FGF10: variants seen among roughly 807,000 people sequenced by gnomAD.
FGF10 encodes fibroblast growth factor 10.
Under a neutral mutation model 19.8 loss-of-function variants are expected in FGF10, and 2 were observed. The observed-to-expected ratio is 0.10, with a 90% CI of 0.04 to 0.32. The LOEUF (loss-of-function observed/expected upper bound fraction) is 0.32. FGF10 is among the 10% of genes least tolerant of loss of function. The pLI, the probability that FGF10 is intolerant of heterozygous loss-of-function variation, is 1.00. For synonymous variants in FGF10, 112 were observed against 94.0 expected, an observed-to-expected ratio of 1.19 and a Z score of -1.10; for missense variants, 191 against 246.3, an observed-to-expected ratio of 0.78 and a Z score of 1.50.
chr5:44,319,839 G>C (rs1740441243), intron 1 of FGF10, among the ~76,000 whole-genome samples: 1 of 152,048 alleles, frequency 6.6e-6, no homozygotes, highest in Non-Finnish European at 1.5e-5. Context: ...TGTAACTCAG[G>C]GGCCTCCAAC....
chr5:44,304,730 C>G lies in FGF10; in HGVS notation c.*265G>C, dbSNP rs1002134196. On this transcript the variant is annotated 3_prime_UTR_variant, in exon 3 of 3. Transcript: ENST00000264664. ...AAACTTGACAACAACAACAAAAAACCCAGCCACAATGTTTTTCACTTGGGA... is the reference window on the plus strand; with the variant it reads ...AAACTTGACAACAACAACAAAAAACGCAGCCACAATGTTTTTCACTTGGGA... 2.4e-6 allele frequency: 1 copy of G among 418,002 alleles called. No homozygotes were observed. Among genetic ancestry groups the G allele is most frequent in the Non-Finnish European group, 4.4e-6 (1 of 228,758 alleles). 25.9% of individuals were successfully genotyped at this position (418,002 alleles called of 1,614,324 possible).
chr5:44,337,087 A>C (rs936788383), intron 1 of FGF10, among the ~76,000 whole-genome samples: 12 of 152,168 alleles, frequency 7.9e-5, no homozygotes, highest in African/African-American at 2.4e-4. Context: ...TTTTAATCCC[A>C]AAAATAGGCT....
chr5:44,355,664 G>A (rs17227718), intron 1 of FGF10, among the ~76,000 whole-genome samples: 50 of 151,198 alleles, frequency 3.3e-4, no homozygotes, highest in Admixed American at 6.6e-4. Context: ...ATATTTTTCC[G>A]CAATACTTAA....
At chr5:44,366,613 C>T (rs1382399645) in intron 1 of FGF10, among the ~76,000 whole-genome samples, 1 of 151,962 alleles carries the variant, frequency 6.6e-6, no homozygotes, top group African/African-American at 2.4e-5. Flanking sequence ...GATTCTGACA[C>T]TTTTAGTGGC....
rs200535647 is a variant in FGF10, at chr5:44,388,557, C to T, written c.126G>A (p.Gln42=). 4.1e-5 allele frequency: 66 copies of T among 1,614,118 alleles called. No homozygotes were observed. Among genetic ancestry groups the T allele is most frequent in the Non-Finnish European group, 5.6e-5 (66 of 1,180,042 alleles). ...TGGTGGCCTCTGGTGACACCATGTC[C>T]TGACCAAGGGCTTGGCAGGTGACAG... ...SVPVTCQALG[Q]DMVSPEATNS... is the part of the protein sequence containing the mutation. The change falls in exon 1 of 3, where the codon CAG becomes CAA. Residue 42 remains glutamine, a synonymous_variant. Coordinates refer to ENST00000264664, the MANE Select transcript of FGF10 (RefSeq NM_004465.2).
intron 1 of FGF10, among the ~76,000 whole-genome samples, chr5:44,349,692 A>C (rs1470715369): frequency 6.7e-6 from 1 of 150,354 alleles, no homozygotes; most frequent in African/African-American, 2.4e-5. Flanking sequence ...GAAAACTAAA[A>C]AAACTCTTTG....
At chr5:44,318,655 G>GAA (rs768312682) in intron 1 of FGF10, among the ~76,000 whole-genome samples, 8 of 152,032 alleles carry the variant, frequency 5.3e-5, no homozygotes, top group African/African-American at 9.7e-5. Flanking sequence ...TCACTTCTGG[G>GAA]AAAATATATC....
intron 1 of FGF10, among the ~76,000 whole-genome samples, chr5:44,351,429 C>T (rs931074418): frequency 8.6e-5 from 13 of 151,500 alleles, no homozygotes; most frequent in Admixed American, 8.6e-4. Context: ...TGATTTATCC[C>T]ATTTGATAGA....
intron 1 of FGF10, among the ~76,000 whole-genome samples, chr5:44,329,896 G>T (rs1740692024): frequency 6.6e-6 from 1 of 152,136 alleles, no homozygotes; most frequent in African/African-American, 2.4e-5. Context: ...AGGCAGCCTG[G>T]CTTCCCATGG....
At chr5:44,356,269 G>C (rs1023354373) in intron 1 of FGF10, among the ~76,000 whole-genome samples, 3 of 151,342 alleles carry the variant, frequency 2.0e-5, no homozygotes, top group African/African-American at 4.8e-5. Flanking sequence ...AGTTGGGTAT[G>C]TTTCAGTTTA....
At chr5:44,339,792 C>T (rs543955408) in intron 1 of FGF10, among the ~76,000 whole-genome samples, 1 of 152,202 alleles carries the variant, frequency 6.6e-6, no homozygotes, top group South Asian at 2.1e-4. Flanking sequence ...TCCTTATTAT[C>T]TCAGACAAAG....
At chr5:44,332,582 A>G (rs1048095121) in intron 1 of FGF10, among the ~76,000 whole-genome samples, 3 of 152,128 alleles carry the variant, frequency 2.0e-5, no homozygotes, top group Admixed American at 2.0e-4. Context: ...GGATAAAACC[A>G]TATCTTCCCT....
chr5:44,321,857 G>A (rs1290682799), intron 1 of FGF10, among the ~76,000 whole-genome samples: 3 of 152,120 alleles, frequency 2.0e-5, no homozygotes, highest in Non-Finnish European at 1.5e-5. Context: ...TGCCTCCTGG[G>A]TTCCAGTGAT....
chr5:44,319,299 A>G (rs1305764306), intron 1 of FGF10, among the ~76,000 whole-genome samples: 1 of 152,210 alleles, frequency 6.6e-6, no homozygotes, highest in Admixed American at 6.5e-5. Flanking sequence ...GTTAATATAG[A>G]CATTTACCCT....
At chr5:44,327,146 A>G (rs1740633397) in intron 1 of FGF10, among the ~76,000 whole-genome samples, 1 of 152,164 alleles carries the variant, frequency 6.6e-6, no homozygotes, top group African/African-American at 2.4e-5. Context: ...TATTTAACAT[A>G]TGCATATTCA....
intron 2 of FGF10, among the ~76,000 whole-genome samples, chr5:44,309,947 G>C (rs144991225): frequency 3.7e-4 from 57 of 152,134 alleles, no homozygotes; most frequent in Admixed American, 1.4e-3. Context: ...TAAAATTCTA[G>C]AGTTGATTGA....
chr5:44,354,268 T>A (rs1427052302), intron 1 of FGF10, among the ~76,000 whole-genome samples: 1 of 151,510 alleles, frequency 6.6e-6, no homozygotes. Flanking sequence ...ACTAAAATGC[T>A]TTTGTCTAGC....
At chr5:44,351,170 A>G (rs1741224181) in intron 1 of FGF10, among the ~76,000 whole-genome samples, 1 of 151,526 alleles carries the variant, frequency 6.6e-6, no homozygotes, top group South Asian at 2.1e-4. Flanking sequence ...ATGCTAATCT[A>G]TGGCAGAATT....
intron 1 of FGF10, among the ~76,000 whole-genome samples, chr5:44,365,278 T>G (rs1741579020): frequency 6.6e-6 from 1 of 151,098 alleles, no homozygotes; most frequent in Admixed American, 6.6e-5. Flanking sequence ...GAGCTCACTC[T>G]TTAATCAGTC....
Sources: allele counts gnomAD v4.1 joint callset (sites outside exome capture counted in the v4.1 genomes callset), GRCh38; gene constraint gnomAD v4.1.1; transcripts MANE v1.5; gene names NCBI Gene and HGNC (gene_info 2026-07-23, HGNC 2026-07-21).